Variants in CEP15 observed in about 807,000 individuals in gnomAD.
CEP15 encodes the protein centrosomal protein 15 kDa.
At chr3:62,323,374 G>A in the CEP15 span, among the ~76,000 whole-genome samples, 1 of 152,172 alleles carries the variant, frequency 6.6e-6, no homozygotes, top group Non-Finnish European at 1.5e-5. Context: ...TCAATAGGCA[G>A]AAGGCAAGGC....
At chr3:62,323,255 T>A in the CEP15 span, among the ~76,000 whole-genome samples, 1 of 152,154 alleles carries the variant, frequency 6.6e-6, no homozygotes, top group African/African-American at 2.4e-5. Flanking sequence ...TGATCAAACA[T>A]TAAATTACAT....
At chr3:62,329,230 A>C in the CEP15 span, among the ~76,000 whole-genome samples, 1 of 152,190 alleles carries the variant, frequency 6.6e-6, no homozygotes, top group Non-Finnish European at 1.5e-5. Context: ...AGAAGAGTTA[A>C]AGATAGAGTA....
the CEP15 span, among the ~76,000 whole-genome samples, chr3:62,325,117 G>T: frequency 7.2e-5 from 11 of 152,118 alleles, no homozygotes; most frequent in African/African-American, 2.7e-4. Context: ...TTAACAAGGG[G>T]TTTGCCTGAT....
the CEP15 span, among the ~76,000 whole-genome samples, chr3:62,329,541 G>A: frequency 7.7e-4 from 118 of 152,288 alleles, no homozygotes; most frequent in African/African-American, 2.7e-3. Context: ...TGTCATCTAA[G>A]AAAGCAAATA....
At chr3:62,321,285 G>A in the CEP15 span, among the ~76,000 whole-genome samples, 3 of 152,204 alleles carry the variant, frequency 2.0e-5, no homozygotes, top group East Asian at 1.9e-4. This position sits in a 1 kb window ranked among gnomAD's most constrained non-coding sequence, Gnocchi z 4.1. Flanking sequence ...TATATGTAAC[G>A]AAGTAGTTTG....
chr3:62,333,463 A>G, the CEP15 span: 2 of 1,490,124 alleles, frequency 1.3e-6, no homozygotes, highest in Admixed American at 2.1e-5. The surrounding 1 kb of genome is among the most constrained non-coding windows in gnomAD (Gnocchi z 4.0). Context: ...TATTGCAGGA[A>G]CTTTAGGAAT....
the CEP15 span, chr3:62,320,452 T>C: frequency 6.2e-7 from 1 of 1,607,784 alleles, no homozygotes; most frequent in Non-Finnish European, 8.5e-7. Flanking sequence ...TTTTATTCTT[T>C]ATGACAGCTT....
the CEP15 span, chr3:62,319,843 T>C: frequency 6.6e-6 from 1 of 152,342 alleles, no homozygotes; most frequent in South Asian, 2.1e-4. Flanking sequence ...GTGAGCTTGC[T>C]CGTGGTGTGA....
At chr3:62,324,815 C>T in the CEP15 span, among the ~76,000 whole-genome samples, 11 of 152,220 alleles carry the variant, frequency 7.2e-5, no homozygotes, top group African/African-American at 2.6e-4. Flanking sequence ...TATGGATGAC[C>T]TCTATTAACA....
At chr3:62,323,856 G>C in the CEP15 span, 2 of 152,076 alleles carry the variant, frequency 1.3e-5, no homozygotes, top group Non-Finnish European at 2.9e-5. Context: ...TCATCCTATT[G>C]ATCTAAAATT....
chr3:62,329,026 C>T, the CEP15 span, among the ~76,000 whole-genome samples: 1 of 150,980 alleles, frequency 6.6e-6, no homozygotes, highest in East Asian at 2.0e-4. Flanking sequence ...ATGAATTGAT[C>T]CCCTCTTAGG....
chr3:62,319,074 T>C, the CEP15 span: 1 of 151,984 alleles, frequency 6.6e-6, no homozygotes, highest in Admixed American at 6.6e-5. Flanking sequence ...AGTCGGACAG[T>C]GGGTGGGTGC....
chr3:62,331,406 A>C, the CEP15 span: 1 of 1,611,464 alleles, frequency 6.2e-7, no homozygotes, highest in South Asian at 1.1e-5. Flanking sequence ...TGAGGTGAGC[A>C]TCTTAAGGAA....
chr3:62,333,166 A>G, the CEP15 span: 5 of 1,268,624 alleles, frequency 3.9e-6, no homozygotes, highest in Middle Eastern at 8.0e-4. This position sits in a 1 kb window ranked among gnomAD's most constrained non-coding sequence, Gnocchi z 4.0. Flanking sequence ...ACGCATACAC[A>G]CTCTTAAGTG....
At chr3:62,327,154 C>T in the CEP15 span, among the ~76,000 whole-genome samples, 6 of 152,202 alleles carry the variant, frequency 3.9e-5, no homozygotes, top group African/African-American at 7.2e-5. Context: ...TTGCTAATTA[C>T]ATCTCTGACG....
At chr3:62,334,336 T>A in the CEP15 span, 2 of 152,086 alleles carry the variant, frequency 1.3e-5, no homozygotes, top group Non-Finnish European at 2.9e-5. The surrounding 1 kb of genome is among the most constrained non-coding windows in gnomAD (Gnocchi z 4.9). Context: ...AATGAAATGT[T>A]TTAAATTTCA....
the CEP15 span, among the ~76,000 whole-genome samples, chr3:62,330,900 A>G: frequency 2.0e-5 from 3 of 152,186 alleles, no homozygotes; most frequent in Non-Finnish European, 2.9e-5. Context: ...AGAACTCTTC[A>G]CTTTTAAGAT....
At chr3:62,334,085 A>G in the CEP15 span, 1 of 151,962 alleles carries the variant, frequency 6.6e-6, no homozygotes, top group Non-Finnish European at 1.5e-5. The surrounding 1 kb of genome is among the most constrained non-coding windows in gnomAD (Gnocchi z 4.9). Context: ...TGTGAATGCA[A>G]ATAACCCCAC....
chr3:62,333,597 A>C, the CEP15 span: 8 of 440,532 alleles, frequency 1.8e-5, no homozygotes, highest in East Asian at 3.3e-4. The surrounding 1 kb of genome is among the most constrained non-coding windows in gnomAD (Gnocchi z 4.0). Context: ...TACCAAACCC[A>C]TAGATGTGTT....
Sources: allele counts gnomAD v4.1 joint callset (sites outside exome capture counted in the v4.1 genomes callset), GRCh38; gene constraint gnomAD v4.1.1; non-coding constraint Gnocchi (gnomAD v3.1); transcripts MANE v1.5; gene names NCBI Gene and HGNC (gene_info 2026-07-23, HGNC 2026-07-21).